TMEM245: variants seen among roughly 807,000 people sequenced by gnomAD.
The protein encoded by TMEM245 is protein CG-2.
Under a neutral mutation model 101.2 loss-of-function variants are expected in TMEM245, and 69 were observed. That is an observed-to-expected ratio of 0.68 (90% CI 0.56 to 0.83). The LOEUF is 0.83. TMEM245 is among the 40% of genes least tolerant of loss of function. TMEM245 has a pLI of 0.00. For synonymous variants in TMEM245, 537 were observed against 449.8 expected, an observed-to-expected ratio of 1.19 and a Z score of -2.45; for missense variants, 1,075 against 1,092.8, an observed-to-expected ratio of 0.98 and a Z score of 0.23.
chr9:109,027,027 T>G (rs1289952670), intron 17 of TMEM245, among the ~76,000 whole-genome samples: 1 of 152,074 alleles, frequency 6.6e-6, no homozygotes, highest in African/African-American at 2.4e-5. Context: ...TTATATAAAT[T>G]ATCTAGCCTC....
At chr9:109,083,915 A>AAAAAAAAAAAAAAAAAAAAAAAC (rs1171067579) in intron 7 of TMEM245, among the ~76,000 whole-genome samples, 3 of 141,634 alleles carry the variant, frequency 2.1e-5, no homozygotes, top group South Asian at 2.3e-4. Context: ...AAAAAAAAAA[A>AAAAAAAAAAAAAAAAAAAAAAAC]AAAAAAAAAA....
In TMEM245 at chr9:109,053,572, C is replaced by T. The variant is rs1278321618; in HGVS notation, c.1855-2880G>A. On this transcript the variant is annotated intron_variant, in intron 12 of 17. Coordinates refer to ENST00000374586, the MANE Select transcript of TMEM245 (RefSeq NM_032012.4). ...ACATACAAAAAGCCCAAGAGACTTA[C>T]TGAACCAACTAAGCAATGTGGTCAT... is the stretch of plus-strand genomic sequence containing the variant. Among the ~76,000 whole-genome samples, 3 of 152,230 alleles carry T rather than the reference C, an allele frequency of 2.0e-5. No individual in the cohort carries two copies. In the East Asian group the frequency reaches 5.8e-4, roughly 29 times the overall value.
chr9:109,036,095 C>T (rs1828113194), intron 16 of TMEM245, 111 bp downstream of exon 16: 2 of 764,298 alleles, frequency 2.6e-6, no homozygotes, highest in African/African-American at 1.8e-5. Context: ...ACTGAAAATT[C>T]CTACTACCAG....
intron 14 of TMEM245, among the ~76,000 whole-genome samples, chr9:109,045,651 G>T (rs927092776): frequency 1.3e-4 from 20 of 152,126 alleles, no homozygotes; most frequent in Non-Finnish European, 4.4e-5. Context: ...TCCATTATTA[G>T]CCCACTAAAA....
At chr9:109,115,827 G>A (rs1268810390) in intron 1 of TMEM245, among the ~76,000 whole-genome samples, 1 of 151,992 alleles carries the variant, frequency 6.6e-6, no homozygotes, top group Non-Finnish European at 1.5e-5. Context: ...ACCGCACCTG[G>A]CCTACAATCC....
At chr9:109,117,017 T>C (rs1433987605) in intron 1 of TMEM245, among the ~76,000 whole-genome samples, 1 of 152,298 alleles carries the variant, frequency 6.6e-6, no homozygotes, top group African/African-American at 2.4e-5. Flanking sequence ...CACAAATACT[T>C]AACTCATACT....
In TMEM245 at chr9:109,066,210, T is replaced by C. The variant is rs532453490; in HGVS notation, c.1533-1643A>G. 4.6e-5 allele frequency among the ~76,000 whole-genome samples: 7 copies of C among 152,206 alleles called. No homozygotes were observed. The East Asian group carries it at 1.4e-3, about 29-fold the overall frequency. On this transcript the variant is annotated intron_variant, in intron 9 of 17. Transcript: ENST00000374586. ...GGCTCATGCCTGTAATCCCAGCACT[T>C]TGGGAGGCCAAGGCAGGCAGATTAC... is the stretch of plus-strand genomic sequence containing the variant.
At chr9:109,085,964 A>G in intron 7 of TMEM245, 33 bp downstream of exon 7, 2 of 1,611,594 alleles carry the variant, frequency 1.2e-6, no homozygotes, top group Non-Finnish European at 8.5e-7. Context: ...ACGGAATTCA[A>G]TAGTAAAAAC....
Position 109,110,717 on chromosome 9 carries a change from G to A in TMEM245, c.580-2147C>T, listed in dbSNP as rs146794806. On this transcript the variant is annotated intron_variant, in intron 1 of 17. Coordinates refer to ENST00000374586, the MANE Select transcript of TMEM245 (RefSeq NM_032012.4). ...TTACACAAATCAGTTATACAAAACT[G>A]AGTTGTCAATAAATATTGAGATAAT... 8.4e-3 allele frequency among the ~76,000 whole-genome samples: 1,271 copies of A among 152,150 alleles called. 10 individuals are homozygous for A. The highest frequency in any genetic ancestry group is 0.041 in the Middle Eastern group (12 of 294).
In TMEM245 at chr9:109,064,455, CAAAG is replaced by C. The variant is rs1255234712; in HGVS notation, c.1623+18_1623+21del. On this transcript the variant is annotated intron_variant, in intron 10 of 17. Transcript: ENST00000374586. ...TAAAGACCCTGAAAAGAGAAAGCCA[CAAAG>C]AAAGTTTCTTCCCTTACCTTGTGAG... The C allele has an allele frequency of 4.4e-6, 7 of 1,597,146 alleles. No individual in the cohort carries two copies. The East Asian group carries it at 6.7e-5, about 15-fold the overall frequency.
intron 8 of TMEM245, among the ~76,000 whole-genome samples, chr9:109,074,316 A>G (rs868729514): frequency 6.6e-6 from 1 of 152,226 alleles, no homozygotes; most frequent in African/African-American, 2.4e-5. Context: ...GGAAAGAAAC[A>G]TAATCTGATA....
At chr9:109,052,808 TA>T (rs943132026) in intron 12 of TMEM245, among the ~76,000 whole-genome samples, 43 of 149,112 alleles carry the variant, frequency 2.9e-4, no homozygotes, top group South Asian at 2.5e-3. Context: ...GAATTTTTAT[TA>T]AAAAAAAAAA....
intron 1 of TMEM245, among the ~76,000 whole-genome samples, chr9:109,117,124 T>C (rs1414834487): frequency 6.6e-6 from 1 of 152,142 alleles, no homozygotes; most frequent in Non-Finnish European, 1.5e-5. Context: ...TTGGTTTTTT[T>C]TTGAGACGGA....
In TMEM245 at chr9:109,036,297, G is replaced by A. The variant is rs758382392; in HGVS notation, c.2308C>T (p.Gln770Ter). The A allele has an allele frequency of 6.2e-7, 1 of 1,613,852 alleles. No individual in the cohort carries two copies. Among genetic ancestry groups the A allele is most frequent in the Non-Finnish European group, 8.5e-7 (1 of 1,179,992 alleles). ...AAAATGGCCTTGCATCCTAACCCTT[G>A]TGTCAGCCACAGGTCAAGAACTGCA... is the stretch of plus-strand genomic sequence containing the variant. ...VPAVLDLWLT[Q>*]GLGCKAILLL... The change falls in exon 16 of 18, where the codon CAA (glutamine) becomes TAA (stop). Residue 770 changes from glutamine (Q) to a stop codon, truncating the protein, a stop_gained. Coordinates refer to ENST00000374586, the MANE Select transcript of TMEM245 (RefSeq NM_032012.4). LOFTEE classifies it high-confidence loss of function.
rs1304357386 is a variant in TMEM245 at position 109,108,469 on chromosome 9, T to C, written c.681A>G (p.Ile227Met). 6 of 1,406,952 alleles carry C rather than the reference T, an allele frequency of 4.3e-6. No homozygotes were observed. The highest frequency in any genetic ancestry group is 5.3e-5 in the East Asian group (2 of 37,662). 87.2% of individuals were successfully genotyped at this position (1,406,952 alleles called of 1,614,324 possible). A position where few individuals can be genotyped will look rare whatever the true frequency, so the allele number is the denominator to read the frequency against. The change falls in exon 2 of 18, where the codon ATA (isoleucine) becomes ATG (methionine). Residue 227 changes from isoleucine (I) to methionine (M), a missense_variant. Physicochemically the swap from Ile to Met is conservative, Grantham distance 10. Transcript: ENST00000374586. ...GGAACCCACCTAAATGAAAAAGCAA[T>C]ATAATCCAGACAGGAATTGAAACTG... ...LRAVSIPVWI[I>M]LLFHLASLAG...
At chr9:109,044,011 T>G (rs1396601897) in intron 14 of TMEM245, among the ~76,000 whole-genome samples, 1 of 152,214 alleles carries the variant, frequency 6.6e-6, no homozygotes, top group East Asian at 1.9e-4. Flanking sequence ...ATGCCTCCTT[T>G]ACACAACTAT....
Position 109,117,013 on chromosome 9 carries a change from T to C in TMEM245, c.579+2322A>G, listed in dbSNP as rs143053183. Among the ~76,000 whole-genome samples, 126 of 152,302 alleles carry C rather than the reference T, an allele frequency of 8.3e-4. 1 individual carries two copies. The highest frequency in any genetic ancestry group is 1.7e-3 in the South Asian group (8 of 4,828). Reference sequence around the variant, plus strand: ...CCTTCTACCACTCCCTACTCACAAATACTTAACTCATACTTTTATGTTGAG... The same window carrying C: ...CCTTCTACCACTCCCTACTCACAAACACTTAACTCATACTTTTATGTTGAG... On this transcript the variant is annotated intron_variant, in intron 1 of 17. Coordinates refer to ENST00000374586, the MANE Select transcript of TMEM245 (RefSeq NM_032012.4).
At chr9:109,095,113 A>C (rs1830104712) in intron 3 of TMEM245, among the ~76,000 whole-genome samples, 1 of 152,158 alleles carries the variant, frequency 6.6e-6, no homozygotes, top group African/African-American at 2.4e-5. Context: ...AGGGTATCGT[A>C]TCTCTCAATA....
chr9:109,080,530 A>T (rs1199194948), intron 8 of TMEM245, among the ~76,000 whole-genome samples: 1 of 152,010 alleles, frequency 6.6e-6, no homozygotes, highest in Non-Finnish European at 1.5e-5. Context: ...ATAAGACCAG[A>T]TCCTAATTCT....
Sources: gnomAD v4.1 joint callset for allele counts (sites outside exome capture counted in the v4.1 genomes callset) on GRCh38, gnomAD v4.1.1 for gene constraint, MANE v1.5 for transcripts, NCBI Gene and HGNC (gene_info 2026-07-23, HGNC 2026-07-21) for gene names.